Variants in HTN3 observed in about 807,000 individuals in gnomAD.
HTN3 encodes the protein histatin-3.
A neutral mutation model predicts 10.6 loss-of-function variants in HTN3; 15 were observed. The ratio of observed to expected loss-of-function variants is 1.42; its 90% CI spans 0.95 to 2.18. The LOEUF is 2.18. HTN3 is among the 30% of genes most tolerant of loss of function. The pLI is 0.00. For missense variants in HTN3, 68 were observed against 58.0 expected, an observed-to-expected ratio of 1.17 and a Z score of -0.56; for synonymous variants, 15 against 16.9, an observed-to-expected ratio of 0.89 and a Z score of 0.27.
intron 5 of HTN3, among the ~76,000 whole-genome samples, chr4:70,035,528 A>G (rs1301978282): frequency 6.6e-6 from 1 of 152,192 alleles, no homozygotes; most frequent in African/African-American, 2.4e-5. Flanking sequence ...CACAACCGCC[A>G]TCTGGGAACT....
Position 70,031,009 on chromosome 4 carries a change from A to T in HTN3, c.51+218A>T, listed in dbSNP as rs1251755473. The stretch of plus-strand genomic sequence containing the variant: ...AACACTCAAGTACAATTACTTGAAT[A>T]TAAAAATAAAAGAAAATTAAGCAAG... On this transcript the variant is annotated intron_variant, in intron 2 of 5. Coordinates refer to ENST00000673563, the MANE Select transcript of HTN3 (RefSeq NM_000200.3). The T allele has an allele frequency of 1.5e-5, 6 of 394,826 alleles. No homozygotes were observed. In the South Asian group the frequency reaches 1.6e-4, roughly 11 times the overall value. 24.5% of individuals were successfully genotyped at this position (394,826 alleles called of 1,614,324 possible).
At chr4:70,033,564 C>T (rs1725438839) in intron 5 of HTN3, 1 of 177,740 alleles carries the variant, frequency 5.6e-6, no homozygotes, top group East Asian at 1.7e-4. Context: ...AGCTTTGTTC[C>T]TTTTGCTTAC....
At chr4:70,031,875 C>T in intron 2 of HTN3, 104 bp from the exon 3 acceptor site, 3 of 780,130 alleles carry the variant, frequency 3.8e-6, no homozygotes, top group African/African-American at 1.8e-5. Context: ...CAAAGAATGC[C>T]TCCATTCTAT....
intron 1 of HTN3, among the ~76,000 whole-genome samples, chr4:70,028,806 C>T (rs1725302922): frequency 6.6e-6 from 1 of 152,040 alleles, no homozygotes. Context: ...TACCTGATAT[C>T]TACTTTCTTA....
intron 5 of HTN3, chr4:70,033,838 T>C (rs960386168): frequency 2.0e-5 from 3 of 152,132 alleles, no homozygotes; most frequent in Non-Finnish European, 2.9e-5. Flanking sequence ...CCTTTGTTAG[T>C]TGTATTTCTA....
chr4:70,035,195 G>A (rs1196300499), intron 5 of HTN3, among the ~76,000 whole-genome samples: 1 of 152,178 alleles, frequency 6.6e-6, no homozygotes, highest in African/African-American at 2.4e-5. Context: ...AAATGCCTCT[G>A]AGGGAAAGCT....
intron 4 of HTN3, among the ~76,000 whole-genome samples, chr4:70,032,623 G>A (rs17147983): frequency 0.07 from 10,707 of 151,928 alleles, 1,284 homozygotes; most frequent in African/African-American, 0.25. Context: ...GTATGAATAG[G>A]GGTTCAAAAG....
Position 70,030,730 on chromosome 4 carries a change from C to A in HTN3, c.-11C>A, listed in dbSNP as rs1167487006. 6.2e-7 allele frequency: 1 copy of A among 1,602,402 alleles called. No homozygotes were observed. Among genetic ancestry groups the A allele is most frequent in the Non-Finnish European group, 8.5e-7 (1 of 1,169,750 alleles). On this transcript the variant is annotated splice_region_variant and 5_prime_UTR_variant, in exon 2 of 6. Coordinates refer to ENST00000673563, the MANE Select transcript of HTN3 (RefSeq NM_000200.3). ...ATTTTTCATGTTTGATTTTATAGGA[C>A]TCAGCCAACTATGAAGTTTTTTGTT...
At chr4:70,032,823 C>T (rs1379060306) in intron 4 of HTN3, among the ~76,000 whole-genome samples, 1 of 151,956 alleles carries the variant, frequency 6.6e-6, no homozygotes, top group African/African-American at 2.4e-5. Context: ...TAACTTTCTC[C>T]TCCCCGTTAT....
At position 70,036,405 on chromosome 4, in the gene HTN3, G is replaced by T. The variant is rs576215864; in HGVS notation, c.*172G>T. 3 of 152,252 alleles carry T rather than the reference G, an allele frequency of 2.0e-5. No individual in the cohort carries two copies. The highest frequency in any genetic ancestry group is 1.3e-4 in the Admixed American group (2 of 15,294). The allele number at this position is 152,252 out of a possible 1,614,324, so 9.4% of individuals were successfully genotyped here. A position where few individuals can be genotyped will look rare whatever the true frequency, so the allele number is the denominator to read the frequency against. On this transcript the variant is annotated 3_prime_UTR_variant, in exon 6 of 6. Transcript: ENST00000673563. The stretch of plus-strand genomic sequence containing the variant: ...ATGATTTAGTGAATTCTGTGTTTCA[G>T]GATACTTCCCTTCCTAATTATCATT...
At chr4:70,034,696 T>A (rs777223718) in intron 5 of HTN3, among the ~76,000 whole-genome samples, 1 of 152,204 alleles carries the variant, frequency 6.6e-6, no homozygotes, top group Non-Finnish European at 1.5e-5. Flanking sequence ...ATCCCGTTAC[T>A]GGGTATATAC....
At chr4:70,031,855 T>G in intron 2 of HTN3, 124 bp from the exon 3 acceptor site, 2 of 675,986 alleles carry the variant, frequency 3.0e-6, no homozygotes, top group Non-Finnish European at 5.2e-6. Flanking sequence ...TAATTTAGCA[T>G]GTCATCATCC....
At chr4:70,033,843 T>A (rs540666555) in intron 5 of HTN3, 112 of 152,292 alleles carry the variant, frequency 7.4e-4, no homozygotes, top group African/African-American at 2.6e-3. Context: ...GTTAGTTGTA[T>A]TTCTAGGTAT....
Position 70,030,661 on chromosome 4 carries a change from A to T in HTN3, c.-13-67A>T, listed in dbSNP as rs1036662531. On this transcript the variant is annotated intron_variant, in intron 1 of 5. Transcript: ENST00000673563. Reference sequence around the variant, plus strand: ...CAATGCTTTGAAGCATAGTGTCATCAGTAGAAGTTTGATGAATGAATGCAT... The same window carrying T: ...CAATGCTTTGAAGCATAGTGTCATCTGTAGAAGTTTGATGAATGAATGCAT... 10 of 1,036,480 alleles carry T rather than the reference A, an allele frequency of 9.6e-6. No homozygotes were observed. In the East Asian group the frequency reaches 1.7e-4, roughly 18 times the overall value. 64.2% of individuals were successfully genotyped at this position (1,036,480 alleles called of 1,614,324 possible).
intron 1 of HTN3, among the ~76,000 whole-genome samples, chr4:70,030,292 A>T (rs1314791498): frequency 2.0e-5 from 3 of 152,126 alleles, no homozygotes; most frequent in African/African-American, 7.2e-5. Context: ...GTGTTTCCTT[A>T]GCATATTAAT....
chr4:70,034,780 C>T (rs1319241301), intron 5 of HTN3, among the ~76,000 whole-genome samples: 1 of 152,124 alleles, frequency 6.6e-6, no homozygotes, highest in East Asian at 1.9e-4. Flanking sequence ...TTTACAATAG[C>T]AAAGACATGG....
At chr4:70,031,737 A>G (rs1489013552) in intron 2 of HTN3, among the ~76,000 whole-genome samples, 1 of 152,094 alleles carries the variant, frequency 6.6e-6, no homozygotes, top group Non-Finnish European at 1.5e-5. Flanking sequence ...CTTGCCTTTC[A>G]TAAAAAAGAT....
chr4:70,032,689 G>A (rs1488980847), intron 4 of HTN3, among the ~76,000 whole-genome samples: 4 of 152,002 alleles, frequency 2.6e-5, no homozygotes, highest in Non-Finnish European at 5.9e-5. Flanking sequence ...GTAAAATGAT[G>A]CATAAAAAGG....
intron 1 of HTN3, among the ~76,000 whole-genome samples, chr4:70,029,047 C>A (rs1343930860): frequency 6.6e-6 from 1 of 151,956 alleles, no homozygotes; most frequent in East Asian, 1.9e-4. Context: ...ATTTATTTAA[C>A]TCATTTTCAT....
Sources: allele counts gnomAD v4.1 joint callset (sites outside exome capture counted in the v4.1 genomes callset), GRCh38; gene constraint gnomAD v4.1.1; transcripts MANE v1.5; gene names NCBI Gene and HGNC (gene_info 2026-07-23, HGNC 2026-07-21).